Variants in ASB2 observed in about 807,000 individuals in gnomAD.
The protein encoded by ASB2 is ankyrin repeat and SOCS box protein 2.
In ASB2, 58 loss-of-function variants were observed where a neutral mutation model predicts 62.4. The observed-to-expected ratio is 0.93, with a 90% CI of 0.75 to 1.16. ASB2 has a LOEUF of 1.16. Among genes scored for constraint, ASB2 ranks in the 50% most tolerant of loss-of-function variants. The pLI, the probability that ASB2 is intolerant of heterozygous loss-of-function variation, is 0.00. For missense variants in ASB2, 928 were observed against 887.9 expected (o/e 1.05, Z -0.57); for synonymous variants, 386 against 385.3 (o/e 1.00, Z -0.02).
intron 1 of ASB2, among the ~76,000 whole-genome samples, chr14:93,967,959 C>T (rs1009381152): frequency 4.6e-5 from 7 of 152,160 alleles, no homozygotes; most frequent in African/African-American, 1.4e-4. Flanking sequence ...TAAGCTACTT[C>T]GCTATGCTGT....
At chr14:93,935,867 G>A (rs1420424041) in intron 9 of ASB2, among the ~76,000 whole-genome samples, 8 of 152,196 alleles carry the variant, frequency 5.3e-5, no homozygotes, top group African/African-American at 1.7e-4. Flanking sequence ...CTGTTGCCCG[G>A]GCAGCTTGCC....
chr14:93,947,396 C>G lies in ASB2; in HGVS notation c.1005G>C (p.Lys335Asn). ...SQGADANKTNKDGLLPLHIAS... is the reference protein window; with the variant it reads ...SQGADANKTNNDGLLPLHIAS... ...CGATGTGCAGCGGGAGCAAGCCGTC[C>G]TTGTTGGTCTTGTTGGCGTCGGCAC... Residue 335 changes from lysine (K) to asparagine (N), a missense_variant, in exon 7 of 10, where the codon AAG (lysine) becomes AAC (asparagine). By Grantham distance (94) the Lys-to-Asn change is moderately conservative. Transcript: ENST00000555019. 2 of 1,614,206 alleles carry G rather than the reference C, an allele frequency of 1.2e-6. No individual in the cohort carries two copies. Among genetic ancestry groups the G allele is most frequent in the Non-Finnish European group, 1.7e-6 (2 of 1,180,028 alleles).
chr14:93,955,595 A>AG (rs904257234), intron 3 of ASB2: 11 of 169,770 alleles, frequency 6.5e-5, no homozygotes, highest in African/African-American at 2.4e-4. Flanking sequence ...GGAAGGGAGG[A>AG]GGGCTGGCTT....
At chr14:93,962,726 A>G (rs944641763) in intron 2 of ASB2, among the ~76,000 whole-genome samples, 1 of 152,100 alleles carries the variant, frequency 6.6e-6, no homozygotes, top group Non-Finnish European at 1.5e-5. Flanking sequence ...GGGGGCTCCT[A>G]TGCTGGGGAG....
At chr14:93,941,512 G>A in intron 7 of ASB2, 1 of 374,922 alleles carries the variant, frequency 2.7e-6, no homozygotes, top group East Asian at 7.5e-5. Flanking sequence ...ACCTCAAAAG[G>A]AAATTCACAC....
rs538913222 is a variant in ASB2 at position 93,939,725 on chromosome 14, G to T, written c.1053-53C>A. The T allele has an allele frequency of 3.6e-5, 47 of 1,307,864 alleles. 1 individual carries two copies. The South Asian group carries it at 7.5e-4, about 21-fold the overall frequency. 81.0% of individuals were successfully genotyped at this position (1,307,864 alleles called of 1,614,324 possible). A position where few individuals can be genotyped will look rare whatever the true frequency, so the allele number is the denominator to read the frequency against. On this transcript the variant is annotated intron_variant, in intron 7 of 9. Transcript: ENST00000555019. ...GAGGGGAGGGTCGGGGTGTGGACGGGTAGGGCCGGCCCCGCCAGCAGGAGA... is the reference window on the plus strand; with the variant it reads ...GAGGGGAGGGTCGGGGTGTGGACGGTTAGGGCCGGCCCCGCCAGCAGGAGA...
At chr14:93,962,588 G>C (rs962892120) in intron 2 of ASB2, among the ~76,000 whole-genome samples, 1 of 152,216 alleles carries the variant, frequency 6.6e-6, no homozygotes, top group Non-Finnish European at 1.5e-5. Context: ...TCCGCAGGAA[G>C]CTGAATAAAT....
intron 1 of ASB2, among the ~76,000 whole-genome samples, chr14:93,974,703 C>G (rs968984535): frequency 2.0e-5 from 3 of 152,212 alleles, no homozygotes; most frequent in African/African-American, 7.2e-5. Context: ...AGCCGTCCAG[C>G]CTTAAGCAAG....
Position 93,939,783 on chromosome 14 carries a change from C to T in ASB2, c.1053-111G>A, listed in dbSNP as rs1186480840. The T allele has an allele frequency of 8.0e-6, 7 of 873,762 alleles. No homozygotes were observed. The East Asian group carries it at 1.7e-4, about 21-fold the overall frequency. The allele number at this position is 873,762 out of a possible 1,614,324, so 54.1% of individuals were successfully genotyped here. A position where few individuals can be genotyped will look rare whatever the true frequency, so the allele number is the denominator to read the frequency against. On this transcript the variant is annotated intron_variant, in intron 7 of 9. Transcript: ENST00000555019. ...CGCCAGGCTCGGCTGGTCGCCCTGA[C>T]CGCGGGCTGCGACGCGGATCCCACC...
chr14:93,952,431 C>A (rs1417612456), intron 5 of ASB2, among the ~76,000 whole-genome samples: 2 of 152,258 alleles, frequency 1.3e-5, no homozygotes, highest in African/African-American at 2.4e-5. Context: ...ACCTACTACT[C>A]AGTTCCTGCT....
At chr14:93,956,973 A>AGAGT in intron 2 of ASB2, 103 bp from the exon 3 acceptor site, 1 of 1,571,410 alleles carries the variant, frequency 6.4e-7, no homozygotes. Context: ...AGCCAGGGAG[A>AGAGT]GACTGACTGA....
At chr14:93,956,943 A>T (rs377378577) in intron 2 of ASB2, 73 bp from the exon 3 acceptor site, 22 of 1,600,964 alleles carry the variant, frequency 1.4e-5, no homozygotes, top group Non-Finnish European at 1.9e-5. Context: ...GGCTTCAGGC[A>T]GGAATGAGGA....
chr14:93,971,546 G>A (rs1162809881), intron 1 of ASB2, among the ~76,000 whole-genome samples: 2 of 152,294 alleles, frequency 1.3e-5, no homozygotes, highest in Admixed American at 6.5e-5. Flanking sequence ...GGGTTCACTT[G>A]TACCTTTTAG....
In ASB2 at chr14:93,951,245, C is replaced by T. The variant is rs994989586; in HGVS notation, c.635-1G>A. On this transcript the variant is annotated splice_acceptor_variant, in intron 5 of 9. Coordinates refer to ENST00000555019, the MANE Select transcript of ASB2 (RefSeq NM_001202429.2). LOFTEE classifies it high-confidence loss of function. Reference sequence around the variant, plus strand: ...GCCTCCGCGTTCTTGCGCTCGCAGGCTGTGCTCAGGGGGAAGCAGGGATGG... The same window carrying T: ...GCCTCCGCGTTCTTGCGCTCGCAGGTTGTGCTCAGGGGGAAGCAGGGATGG... 4.4e-6 allele frequency: 7 copies of T among 1,592,086 alleles called. No individual in the cohort carries two copies. The highest frequency in any genetic ancestry group is 6.0e-6 in the Non-Finnish European group (7 of 1,170,968).
At chr14:93,957,042 TG>T (rs1466471011) in intron 2 of ASB2, 172 bp from the exon 3 acceptor site, 2 of 1,494,574 alleles carry the variant, frequency 1.3e-6, no homozygotes, top group Admixed American at 4.9e-5. Flanking sequence ...TGGACACAGC[TG>T]CTGTGTCTCC....
chr14:93,969,541 AGACCTCTGTCTGGGGGTTGGGC>A (rs1476724108), intron 1 of ASB2, among the ~76,000 whole-genome samples: 1 of 152,106 alleles, frequency 6.6e-6, no homozygotes, highest in African/African-American at 2.4e-5. Context: ...TTGATTTCTG[AGACCTCTGTCTGGGGGTTGGGC>A]GGCCTTCTGG....
intron 6 of ASB2, chr14:93,948,151 G>C (rs371474025): frequency 1.9e-5 from 3 of 154,478 alleles, no homozygotes; most frequent in Non-Finnish European, 1.5e-5. Context: ...AATCCACAGT[G>C]GGTGGTCACC....
Position 93,934,219 on chromosome 14 carries a change from G to C in ASB2, c.*437C>G, listed in dbSNP as rs751639585. On this transcript the variant is annotated 3_prime_UTR_variant, in exon 10 of 10. Transcript: ENST00000555019. ...ACTTAACAAAGCCCTCCAAGACCCA[G>C]GCTCCCCCTACCCCCTACCTTGGGC... 1.5e-5 allele frequency: 7 copies of C among 456,880 alleles called. No individual in the cohort carries two copies. Among genetic ancestry groups the C allele is most frequent in the South Asian group, 1.1e-4 (7 of 64,508 alleles). The allele number at this position is 456,880 out of a possible 1,614,324, so 28.3% of individuals were successfully genotyped here.
chr14:93,953,828 C>G (rs143691714), intron 4 of ASB2, among the ~76,000 whole-genome samples: 1 of 152,144 alleles, frequency 6.6e-6, no homozygotes, highest in South Asian at 2.1e-4. Flanking sequence ...CTTGGAGTGT[C>G]GGGGGCCGTG....
Sources: allele counts gnomAD v4.1 joint callset (sites outside exome capture counted in the v4.1 genomes callset), GRCh38; gene constraint gnomAD v4.1.1; transcripts MANE v1.5; gene names NCBI Gene and HGNC (gene_info 2026-07-23, HGNC 2026-07-21).